Variants in PHETA2 observed in about 807,000 individuals in gnomAD.
PHETA2 encodes PH domain containing endocytic trafficking adaptor 2, also known as sesquipedalian-2.
For missense variants in PHETA2, 321 were observed against 341.3 expected (o/e 0.94, Z 0.47); for synonymous variants, 133 against 142.9 (o/e 0.93, Z 0.50).
Position 42,077,626 on chromosome 22 carries a change from C to T in PHETA2, c.333C>T (p.Ala111=), listed in dbSNP as rs1025252052. Reference sequence around the variant, plus strand: ...CAGAAGGGCCGGCGGCCCAGGAGGCCTGGGTGAAGGTGCTGTCCCGGGCAA... The same window carrying T: ...CAGAAGGGCCGGCGGCCCAGGAGGCTTGGGTGAAGGTGCTGTCCCGGGCAA... ...LAAEGPAAQE[A]WVKVLSRASF... Residue 111 remains alanine (A), a synonymous_variant, in exon 3 of 3, where the codon GCC becomes GCT. Coordinates refer to ENST00000321753, the MANE Select transcript of PHETA2 (RefSeq NM_001002034.3). 2 of 1,613,990 alleles carry T rather than the reference C, an allele frequency of 1.2e-6. No individual in the cohort carries two copies. Among genetic ancestry groups the T allele is most frequent in the African/African-American group, 2.7e-5 (2 of 74,942 alleles).
In PHETA2 at chr22:42,077,601, C is replaced by T. The variant is rs545488647; in HGVS notation, c.308C>T (p.Ala103Val). Residue 103 changes from alanine to valine, a missense_variant, in exon 3 of 3, where the codon GCA (alanine) becomes GTA (valine). Coordinates refer to ENST00000321753, the MANE Select transcript of PHETA2 (RefSeq NM_001002034.3). ...GGAGTGCGCCCACACCTGCTGGCCG[C>T]AGAAGGGCCGGCGGCCCAGGAGGCC... ...APGVRPHLLA[A>V]EGPAAQEAWV... is the part of the protein sequence containing the mutation. The T allele has an allele frequency of 9.9e-6, 16 of 1,614,090 alleles. No individual in the cohort carries two copies. In the East Asian group the frequency reaches 3.6e-4, roughly 36 times the overall value.
In PHETA2 at chr22:42,077,347, G is replaced by A. The variant is rs951282554; in HGVS notation, c.54G>A (p.Ala18=). ...ACTATGCACTCAGCGACTCCCCAGCGGACCACATGGGCTTCCTGCGCACCT... is the reference window on the plus strand; with the variant it reads ...ACTATGCACTCAGCGACTCCCCAGCAGACCACATGGGCTTCCTGCGCACCT... ...VAHYALSDSP[A]DHMGFLRTWG... Residue 18 remains alanine, a synonymous_variant, in exon 3 of 3, where the codon GCG becomes GCA. Transcript: ENST00000321753. The A allele has an allele frequency of 1.3e-5, 20 of 1,571,650 alleles. No homozygotes were observed. The highest frequency in any genetic ancestry group is 2.2e-5 in the East Asian group (1 of 44,598).
Position 42,078,087 on chromosome 22 carries a change from G to T in PHETA2, c.*14G>T. On this transcript the variant is annotated 3_prime_UTR_variant, in exon 3 of 3. Transcript: ENST00000321753. ...GATAGGCCCTAAGTCTGGGCCCTTTGAGTCAGGAAACCAGGGCCAGTTCTT... is the reference window on the plus strand; with the variant it reads ...GATAGGCCCTAAGTCTGGGCCCTTTTAGTCAGGAAACCAGGGCCAGTTCTT... 1 of 1,522,910 alleles carries T rather than the reference G, an allele frequency of 6.6e-7. No homozygotes were observed. Among genetic ancestry groups the T allele is most frequent in the South Asian group, 1.3e-5 (1 of 78,170 alleles). 94.3% of individuals were successfully genotyped at this position (1,522,910 alleles called of 1,614,324 possible).
Sources: allele counts gnomAD v4.1 joint callset, GRCh38; gene constraint gnomAD v4.1.1; transcripts MANE v1.5; gene names NCBI Gene and HGNC (gene_info 2026-07-23, HGNC 2026-07-21).